FILIP1L: variants seen among roughly 807,000 people sequenced by gnomAD.
The protein encoded by FILIP1L is filamin A-interacting protein 1-like.
In FILIP1L, 55 loss-of-function variants were observed where a neutral mutation model predicts 96.6. The ratio of observed to expected loss-of-function variants is 0.57; its 90% CI spans 0.46 to 0.71. The LOEUF (loss-of-function observed/expected upper bound fraction) is 0.71, where lower values mean the gene tolerates loss of function less well. Ranked by LOEUF, FILIP1L falls within the 30% of genes least tolerant of loss-of-function variation. FILIP1L has a pLI of 0.00. For synonymous variants in FILIP1L, 467 were observed against 473.9 expected (o/e 0.99, Z 0.19); for missense variants, 1,304 against 1,321.2 (o/e 0.99, Z 0.20).
chr3:99,925,381 G>C (rs1576576963), intron 3 of FILIP1L, among the ~76,000 whole-genome samples: 1 of 152,100 alleles, frequency 6.6e-6, no homozygotes. Context: ...CCTGAAAGCT[G>C]GGCCTACATC....
intron 1 of FILIP1L, among the ~76,000 whole-genome samples, chr3:100,062,384 T>A (rs1263227398): frequency 6.6e-6 from 1 of 152,112 alleles, no homozygotes; most frequent in Non-Finnish European, 1.5e-5. Flanking sequence ...GTGCTAGGAT[T>A]ACAGGTGTGA....
At chr3:100,070,693 G>C (rs577599426) in intron 1 of FILIP1L, among the ~76,000 whole-genome samples, 1 of 152,078 alleles carries the variant, frequency 6.6e-6, no homozygotes, top group African/African-American at 2.4e-5. Context: ...GTGCAGTGGC[G>C]CAATCTCGGC....
At chr3:100,092,226 A>G (rs535720717) in intron 1 of FILIP1L, among the ~76,000 whole-genome samples, 139 of 152,292 alleles carry the variant, frequency 9.1e-4, no homozygotes, top group African/African-American at 3.1e-3. Context: ...ATATTCTATA[A>G]CAGTATTAAA....
At chr3:99,953,146 A>T (rs1163197912) in intron 1 of FILIP1L, among the ~76,000 whole-genome samples, 1 of 152,262 alleles carries the variant, frequency 6.6e-6, no homozygotes, top group Non-Finnish European at 1.5e-5. Context: ...TAAACAGCAT[A>T]TGAAGTATTA....
At chr3:99,864,981 T>C (rs1168132380) in intron 4 of FILIP1L, among the ~76,000 whole-genome samples, 2 of 152,166 alleles carry the variant, frequency 1.3e-5, no homozygotes, top group Admixed American at 6.5e-5. Flanking sequence ...ATATTTCTGG[T>C]AGGGAACAGT....
At chr3:99,858,911 C>G (rs924558285) in intron 4 of FILIP1L, among the ~76,000 whole-genome samples, 1 of 152,230 alleles carries the variant, frequency 6.6e-6, no homozygotes, top group Non-Finnish European at 1.5e-5. Context: ...CAGCCTTTTG[C>G]TTCATCCTGA....
Position 99,920,303 on chromosome 3 carries a change from G to GA in FILIP1L, c.605+3926dup, listed in dbSNP as rs546234576. Among the ~76,000 whole-genome samples, 538 of 149,958 alleles carry GA rather than the reference G, an allele frequency of 3.6e-3. 6 individuals are homozygous for GA. Among genetic ancestry groups the GA allele is most frequent in the African/African-American group, 0.011 (453 of 40,946 alleles). On this transcript the variant is annotated intron_variant, in intron 4 of 5. Transcript: ENST00000477258. ...CTTTTGCCCCATTGAAACTGAAAAA[G>GA]AAAAAAAAATATGCAAGCTTTTTTG...
chr3:100,097,260 A>G (rs2066226115), intron 1 of FILIP1L, among the ~76,000 whole-genome samples: 1 of 152,248 alleles, frequency 6.6e-6, no homozygotes, highest in East Asian at 1.9e-4. Context: ...CATCCGTGGA[A>G]AAATTGTCTT....
intron 1 of FILIP1L, among the ~76,000 whole-genome samples, chr3:100,035,790 C>T (rs140633410): frequency 6.0e-4 from 91 of 152,304 alleles, no homozygotes; most frequent in Admixed American, 1.9e-3. Context: ...GTGCTCATCA[C>T]GAGCTATAGC....
At chr3:99,928,357 G>C (rs1707363741) in intron 3 of FILIP1L, among the ~76,000 whole-genome samples, 1 of 152,216 alleles carries the variant, frequency 6.6e-6, no homozygotes, top group Non-Finnish European at 1.5e-5. Context: ...TGAGGACAGA[G>C]AAATCCATAA....
At chr3:100,023,146 T>C (rs902332119) in intron 1 of FILIP1L, among the ~76,000 whole-genome samples, 1 of 152,210 alleles carries the variant, frequency 6.6e-6, no homozygotes, top group Non-Finnish European at 1.5e-5. Context: ...GAGTATGTGC[T>C]ACCTTCTGGC....
intron 1 of FILIP1L, among the ~76,000 whole-genome samples, chr3:100,100,848 G>T (rs920185011): frequency 9.2e-5 from 14 of 152,152 alleles, no homozygotes; most frequent in Non-Finnish European, 1.0e-4. Flanking sequence ...CTTTTGAAGA[G>T]AATTCTTTCA....
At chr3:99,924,892 A>T (rs1197117904) in intron 3 of FILIP1L, among the ~76,000 whole-genome samples, 1 of 152,198 alleles carries the variant, frequency 6.6e-6, no homozygotes, top group African/African-American at 2.4e-5. Context: ...GTGCATTTCA[A>T]TACAAATGTA....
intron 1 of FILIP1L, among the ~76,000 whole-genome samples, chr3:99,960,698 G>A (rs1440043493): frequency 6.6e-6 from 1 of 152,122 alleles, no homozygotes; most frequent in Non-Finnish European, 1.5e-5. Flanking sequence ...TTGAGGGGAG[G>A]AACACTTTCA....
chr3:99,857,879 G>A (rs1218049597), intron 4 of FILIP1L, among the ~76,000 whole-genome samples: 2 of 152,148 alleles, frequency 1.3e-5, no homozygotes, highest in East Asian at 3.8e-4. Context: ...AATATGGCAA[G>A]ACTTTTATTC....
At chr3:99,986,683 A>T (rs1388468475) in intron 1 of FILIP1L, among the ~76,000 whole-genome samples, 3 of 152,188 alleles carry the variant, frequency 2.0e-5, no homozygotes, top group African/African-American at 7.2e-5. Flanking sequence ...TAAGAACTCA[A>T]GTAGAAGGAG....
chr3:100,109,113 T>C (rs772950598), intron 1 of FILIP1L, among the ~76,000 whole-genome samples: 11 of 151,910 alleles, frequency 7.2e-5, no homozygotes, highest in Admixed American at 5.3e-4. Flanking sequence ...CATATTTCTC[T>C]GCCACTAACT....
chr3:99,854,928 AG>A (rs1359310662), intron 4 of FILIP1L, among the ~76,000 whole-genome samples: 1 of 152,214 alleles, frequency 6.6e-6, no homozygotes, highest in African/African-American at 2.4e-5. Flanking sequence ...TGAATCACAT[AG>A]GAATCTTGTT....
chr3:100,109,598 G>A (rs2066454223), intron 1 of FILIP1L, among the ~76,000 whole-genome samples: 1 of 152,056 alleles, frequency 6.6e-6, no homozygotes, highest in Non-Finnish European at 1.5e-5. Context: ...AGCTTTTTCA[G>A]TCTGGATTCT....
Sources: allele counts gnomAD v4.1 joint callset (sites outside exome capture counted in the v4.1 genomes callset), GRCh38; gene constraint gnomAD v4.1.1; transcripts MANE v1.5; gene names NCBI Gene and HGNC (gene_info 2026-07-23, HGNC 2026-07-21).